C1orf141: variants seen among roughly 807,000 people sequenced by gnomAD.
C1orf141 encodes the protein uncharacterized protein C1orf141.
Under a neutral mutation model 23.2 loss-of-function variants are expected in C1orf141, and 19 were observed. The observed-to-expected ratio is 0.82, with a 90% confidence interval of 0.57 to 1.20. C1orf141 has a LOEUF of 1.20. Ranked by LOEUF, C1orf141 falls within the 50% of genes most tolerant of loss-of-function variation. The pLI, the probability that C1orf141 is intolerant of heterozygous loss-of-function variation, is 0.00. For missense variants in C1orf141, 469 were observed against 455.1 expected (o/e 1.03, Z -0.28); for synonymous variants, 153 against 154.6 (o/e 0.99, Z 0.08).
intron 5 of C1orf141, among the ~76,000 whole-genome samples, chr1:67,105,281 A>T (rs1231656957): frequency 1.3e-5 from 2 of 149,792 alleles, no homozygotes; most frequent in East Asian, 3.9e-4. Context: ...CACTGAGATC[A>T]AGCCACTGCA....
intron 5 of C1orf141, chr1:67,111,444 A>G: frequency 2.2e-6 from 1 of 445,928 alleles, no homozygotes; most frequent in South Asian, 6.1e-5. Flanking sequence ...TCAGAGATGA[A>G]ATCACTTTAA....
chr1:67,128,319 A>G (rs943986249), intron 2 of C1orf141, among the ~76,000 whole-genome samples: 3 of 152,114 alleles, frequency 2.0e-5, no homozygotes, highest in African/African-American at 7.2e-5. Flanking sequence ...GGCAGAGTGG[A>G]GGCAAGAATC....
At chr1:67,108,037 C>G (rs1213734774) in intron 5 of C1orf141, among the ~76,000 whole-genome samples, 1 of 152,120 alleles carries the variant, frequency 6.6e-6, no homozygotes, top group African/African-American at 2.4e-5. Context: ...GGTTTTCATT[C>G]TGGGGATAGA....
chr1:67,098,451 C>T (rs930253695), intron 5 of C1orf141, among the ~76,000 whole-genome samples: 4 of 152,016 alleles, frequency 2.6e-5, no homozygotes, highest in Non-Finnish European at 2.9e-5. Flanking sequence ...GAACCAGAGT[C>T]GGAGGTGGCA....
chr1:67,103,256 CT>C (rs1287087353), intron 5 of C1orf141: 3 of 1,436,228 alleles, frequency 2.1e-6, no homozygotes, highest in Non-Finnish European at 1.9e-6. Flanking sequence ...AAAGTAGAGT[CT>C]TTTTCCTTTT....
rs757201942 is a variant in C1orf141, at chr1:67,096,232, A to C, written c.416+20T>G. 4 of 1,131,736 alleles carry C rather than the reference A, an allele frequency of 3.5e-6. No homozygotes were observed. The South Asian group carries it at 4.1e-5, about 12-fold the overall frequency. The allele number at this position is 1,131,736 out of a possible 1,614,324, so 70.1% of individuals were successfully genotyped here. A position where few individuals can be genotyped will look rare whatever the true frequency, so the allele number is the denominator to read the frequency against. On this transcript the variant is annotated intron_variant, in intron 6 of 7. Coordinates refer to ENST00000684719, the MANE Select transcript of C1orf141 (RefSeq NM_001276351.2). ...CATCATTAAACAGAACAAAGTATTA[A>C]GCATTTTAAAATAAATTACCTTTTA...
At chr1:67,135,010 C>CG (rs779486455), upstream of C1orf141, 9 of 151,716 alleles carry the variant, frequency 5.9e-5, no homozygotes, top group Non-Finnish European at 1.0e-4. Flanking sequence ...AACGCGTCCT[C>CG]GGTCCGTAGA....
intron 1 of C1orf141, among the ~76,000 whole-genome samples, chr1:67,133,344 G>A (rs956795056): frequency 6.6e-6 from 1 of 152,122 alleles, no homozygotes; most frequent in Admixed American, 6.6e-5. Context: ...ACTCCTTGAG[G>A]ACGAGGCCAC....
intron 1 of C1orf141, among the ~76,000 whole-genome samples, chr1:67,140,189 C>T (rs1028966122): frequency 6.6e-6 from 1 of 152,098 alleles, no homozygotes; most frequent in African/African-American, 2.4e-5. Context: ...ACTAAGATAG[C>T]ATCTTGCAAG....
At chr1:67,122,915 G>C (rs1402221301) in intron 4 of C1orf141, 1 of 152,096 alleles carries the variant, frequency 6.6e-6, no homozygotes, top group Admixed American at 6.6e-5. Flanking sequence ...TAAAAGTTCA[G>C]TGTGCTAGGC....
intron 4 of C1orf141, among the ~76,000 whole-genome samples, chr1:67,124,786 C>A (rs1646372767): frequency 6.6e-6 from 1 of 152,164 alleles, no homozygotes; most frequent in Non-Finnish European, 1.5e-5. Context: ...CATTACTATA[C>A]CCTATTCAAT....
At chr1:67,107,368 G>T (rs1645952410) in intron 5 of C1orf141, among the ~76,000 whole-genome samples, 1 of 152,078 alleles carries the variant, frequency 6.6e-6, no homozygotes, top group Non-Finnish European at 1.5e-5. Context: ...AGAATAAAAT[G>T]ATAGACTTAA....
chr1:67,139,848 G>T (rs763412155), upstream of C1orf141, among the ~76,000 whole-genome samples: 11 of 152,178 alleles, frequency 7.2e-5, no homozygotes, highest in Non-Finnish European at 1.2e-4. Flanking sequence ...GCTTGGTGGG[G>T]CCTTTAAAAG....
At chr1:67,113,546 G>T in intron 5 of C1orf141, 1 of 308,602 alleles carries the variant, frequency 3.2e-6, no homozygotes, top group African/African-American at 2.2e-5. Flanking sequence ...TGTATTTTTA[G>T]TACAGACAGG....
chr1:67,105,469 T>C (rs545966225), intron 5 of C1orf141, among the ~76,000 whole-genome samples: 168 of 152,224 alleles, frequency 1.1e-3, no homozygotes, highest in African/African-American at 3.9e-3. Context: ...CAATTATTTA[T>C]AAATTTTTAG....
At chr1:67,096,948 G>C (rs767846572) in intron 5 of C1orf141, among the ~76,000 whole-genome samples, 11 of 152,182 alleles carry the variant, frequency 7.2e-5, no homozygotes, top group Non-Finnish European at 1.3e-4. Context: ...AGGGCCAACT[G>C]AGCAGCCTTG....
upstream of C1orf141, among the ~76,000 whole-genome samples, chr1:67,135,941 G>A (rs1646582040): frequency 7.6e-6 from 1 of 131,518 alleles, no homozygotes; most frequent in Non-Finnish European, 1.5e-5. Flanking sequence ...TAGTTATGTA[G>A]CAATCCAAAT....
chr1:67,095,491 C>A (rs1645656540), intron 6 of C1orf141, 70 bp from the exon 7 acceptor site: 3 of 886,732 alleles, frequency 3.4e-6, no homozygotes, highest in Non-Finnish European at 3.3e-6. Context: ...TGTCTGCCTC[C>A]TTTTATCCCT....
intron 1 of C1orf141, among the ~76,000 whole-genome samples, chr1:67,141,480 C>A (rs918743418): frequency 6.6e-6 from 1 of 152,016 alleles, no homozygotes; most frequent in South Asian, 2.1e-4. Flanking sequence ...TTTACAAGTC[C>A]GGTCCAGGGA....
Sources: allele counts gnomAD v4.1 joint callset (sites outside exome capture counted in the v4.1 genomes callset), GRCh38; gene constraint gnomAD v4.1.1; transcripts MANE v1.5; gene names NCBI Gene and HGNC (gene_info 2026-07-23, HGNC 2026-07-21).